GNB1: variants seen among roughly 807,000 people sequenced by gnomAD.
GNB1 encodes the protein G protein subunit beta 1, also known as guanine nucleotide-binding protein G(I)/G(S)/G(T) subunit beta-1.
Under a neutral mutation model 42.9 loss-of-function variants are expected in GNB1, and 2 were observed. The ratio of observed to expected loss-of-function variants is 0.05; its 90% CI spans 0.02 to 0.15. The LOEUF is 0.15. Ranked by LOEUF, GNB1 falls within the 10% of genes least tolerant of loss-of-function variation. The pLI is 1.00. For missense variants in GNB1, 193 were observed against 462.2 expected (o/e 0.42, Z 5.34); for synonymous variants, 183 against 174.7 (o/e 1.05, Z -0.38).
chr1:1,878,807 C>T (rs1323826724), intron 1 of GNB1, among the ~76,000 whole-genome samples: 1 of 152,162 alleles, frequency 6.6e-6, no homozygotes, highest in African/African-American at 2.4e-5. Context: ...CAGAGCCTCC[C>T]CTAGCCCCAC....
intron 2 of GNB1, among the ~76,000 whole-genome samples, chr1:1,837,069 G>A (rs1647161442): frequency 6.6e-6 from 1 of 151,952 alleles, no homozygotes; most frequent in South Asian, 2.1e-4. Flanking sequence ...CCAGACTATG[G>A]TTTGTCTTTC....
intron 2 of GNB1, among the ~76,000 whole-genome samples, chr1:1,834,185 C>A (rs186604467): frequency 3.3e-5 from 5 of 152,084 alleles, no homozygotes; most frequent in Admixed American, 3.3e-4. Context: ...CTATGGTGTG[C>A]GGTCACAAAG....
At chr1:1,836,856 CTTTTTTTTTT>C (rs35131919) in intron 2 of GNB1, among the ~76,000 whole-genome samples, 4 of 120,168 alleles carry the variant, frequency 3.3e-5, no homozygotes, top group Non-Finnish European at 5.2e-5. Context: ...CGACTGCTAA[CTTTTTTTTTT>C]TTTTTTTTTT....
At chr1:1,886,220 A>G (rs987153516) in intron 1 of GNB1, among the ~76,000 whole-genome samples, 2 of 152,242 alleles carry the variant, frequency 1.3e-5, no homozygotes, top group South Asian at 4.2e-4. Context: ...CGGGAGGCTG[A>G]GACTGGAGAA....
intron 7 of GNB1, among the ~76,000 whole-genome samples, chr1:1,799,457 C>T (rs1295711808): frequency 1.3e-5 from 2 of 152,190 alleles, no homozygotes; most frequent in Admixed American, 1.3e-4. Flanking sequence ...TGCACAGACT[C>T]TGACGGTCAT....
chr1:1,870,926 C>CA (rs1027079445), intron 1 of GNB1, among the ~76,000 whole-genome samples: 8 of 151,882 alleles, frequency 5.3e-5, no homozygotes, highest in African/African-American at 1.7e-4. Flanking sequence ...GACTCCATCT[C>CA]AAAAAAATAA....
intron 1 of GNB1, among the ~76,000 whole-genome samples, chr1:1,841,198 T>TA (rs1160818880): frequency 6.6e-6 from 1 of 151,844 alleles, no homozygotes; most frequent in Non-Finnish European, 1.5e-5. Context: ...CCACATTTAT[T>TA]AATTTTTTGA....
At chr1:1,869,072 G>C (rs921088714) in intron 1 of GNB1, among the ~76,000 whole-genome samples, 1 of 149,354 alleles carries the variant, frequency 6.7e-6, no homozygotes, top group Non-Finnish European at 1.5e-5. Context: ...TGTAGTCCCA[G>C]CTACCTGGGA....
At chr1:1,828,706 GTT>G (rs1647032355) in intron 2 of GNB1, among the ~76,000 whole-genome samples, 1 of 152,116 alleles carries the variant, frequency 6.6e-6, no homozygotes, top group African/African-American at 2.4e-5. Context: ...CAACATTTGA[GTT>G]TCAATTCAGA....
At chr1:1,879,984 T>G (rs937795912) in intron 1 of GNB1, among the ~76,000 whole-genome samples, 1 of 151,994 alleles carries the variant, frequency 6.6e-6, no homozygotes, top group African/African-American at 2.4e-5. Context: ...CAGGCTGGAG[T>G]GCCATGGTGC....
At chr1:1,885,189 G>C (rs1161743207) in intron 1 of GNB1, among the ~76,000 whole-genome samples, 1 of 151,494 alleles carries the variant, frequency 6.6e-6, no homozygotes, top group African/African-American at 2.4e-5. Flanking sequence ...GAGGCGGGCG[G>C]ATCACTTGAG....
intron 1 of GNB1, among the ~76,000 whole-genome samples, chr1:1,844,323 G>A (rs1351511610): frequency 1.3e-5 from 2 of 151,400 alleles, no homozygotes; most frequent in African/African-American, 2.4e-5. Context: ...CCTGAGACAG[G>A]GAGGTTGCAG....
At chr1:1,844,679 G>A (rs1557921986) in intron 1 of GNB1, among the ~76,000 whole-genome samples, 1 of 152,270 alleles carries the variant, frequency 6.6e-6, no homozygotes, top group East Asian at 1.9e-4. Flanking sequence ...AAACACATAA[G>A]TGCACCACTG....
At chr1:1,841,611 C>T (rs1280293109) in intron 1 of GNB1, among the ~76,000 whole-genome samples, 1 of 152,234 alleles carries the variant, frequency 6.6e-6, no homozygotes, top group African/African-American at 2.4e-5. Flanking sequence ...TGCAAACTCA[C>T]ATGCACACAT....
intron 2 of GNB1, among the ~76,000 whole-genome samples, chr1:1,826,625 T>C (rs878876712): frequency 6.6e-6 from 1 of 152,048 alleles, no homozygotes. Flanking sequence ...CAGCAGTTTT[T>C]TGGCTCAGGG....
chr1:1,802,951 A>G (rs1057333353), intron 7 of GNB1, among the ~76,000 whole-genome samples: 1 of 152,204 alleles, frequency 6.6e-6, no homozygotes, highest in South Asian at 2.1e-4. Context: ...AGAAAAGAAC[A>G]GAGAACAGAA....
intron 5 of GNB1, among the ~76,000 whole-genome samples, chr1:1,814,416 A>T (rs1465721692): frequency 9.9e-5 from 15 of 152,212 alleles, no homozygotes; most frequent in Admixed American, 9.8e-4. Context: ...ACAGGCACCA[A>T]ATAAGACTTT....
chr1:1,880,504 T>A (rs926862559), intron 1 of GNB1, among the ~76,000 whole-genome samples: 4 of 151,808 alleles, frequency 2.6e-5, no homozygotes, highest in African/African-American at 9.7e-5. Flanking sequence ...CAGAATTGCG[T>A]GAACCCGGGA....
rs561258180 is a variant in GNB1, at chr1:1,806,590, G to A, written c.204-52C>T. ...ATCAGTACCGCACAACACAGAAAGTGTACAAGAGCAACAGACTAAAACCCA... is the reference window on the plus strand; with the variant it reads ...ATCAGTACCGCACAACACAGAAAGTATACAAGAGCAACAGACTAAAACCCA... On this transcript the variant is annotated intron_variant, in intron 5 of 11. Coordinates refer to ENST00000378609, the MANE Select transcript of GNB1 (RefSeq NM_002074.5). The A allele has an allele frequency of 6.2e-4, 761 of 1,235,856 alleles. 3 individuals carry two copies. Among genetic ancestry groups the A allele is most frequent in the South Asian group, 4.5e-4 (35 of 77,904 alleles). 76.6% of individuals were successfully genotyped at this position (1,235,856 alleles called of 1,614,324 possible).
Sources: allele counts gnomAD v4.1 joint callset (sites outside exome capture counted in the v4.1 genomes callset), GRCh38; gene constraint gnomAD v4.1.1; transcripts MANE v1.5; gene names NCBI Gene and HGNC (gene_info 2026-07-23, HGNC 2026-07-21).